CLOCK: variants seen among roughly 807,000 people sequenced by gnomAD.
CLOCK encodes clock circadian regulator.
Under a neutral mutation model 118.4 loss-of-function variants are expected in CLOCK, and 43 were observed. The observed-to-expected ratio is 0.36, with a 90% CI of 0.28 to 0.47. The LOEUF (loss-of-function observed/expected upper bound fraction) is 0.47. Among genes scored for constraint, CLOCK ranks in the 20% least tolerant of loss-of-function variants. The pLI is 1.00. For missense variants in CLOCK, 846 were observed against 999.9 expected (o/e 0.85, Z 2.08); for synonymous variants, 326 against 339.2 (o/e 0.96, Z 0.43).
At chr4:55,536,271 C>T (rs993230956) in intron 1 of CLOCK, among the ~76,000 whole-genome samples, 3 of 152,164 alleles carry the variant, frequency 2.0e-5, no homozygotes, top group African/African-American at 7.2e-5. Flanking sequence ...GGATAGCAAA[C>T]TATTAAAATA....
chr4:55,516,006 T>C (rs1430799914), intron 1 of CLOCK, among the ~76,000 whole-genome samples: 2 of 152,220 alleles, frequency 1.3e-5, no homozygotes, highest in Admixed American at 6.5e-5. Flanking sequence ...CTTCAAGTAT[T>C]TGGGGATTTT....
chr4:55,474,465 G>A (rs1018112687), intron 7 of CLOCK, among the ~76,000 whole-genome samples: 4 of 152,140 alleles, frequency 2.6e-5, no homozygotes, highest in Non-Finnish European at 4.4e-5. Context: ...GGGAGACCTG[G>A]GTAAGATCAT....
intron 11 of CLOCK, among the ~76,000 whole-genome samples, chr4:55,458,344 G>A (rs1725061501): frequency 1.3e-5 from 2 of 152,140 alleles, no homozygotes; most frequent in African/African-American, 4.8e-5. Context: ...TTACAGGCAT[G>A]AGTCACCTCG....
chr4:55,501,436 G>GTGTACTATAATC (rs1226715332), intron 2 of CLOCK, among the ~76,000 whole-genome samples: 1 of 150,750 alleles, frequency 6.6e-6, no homozygotes. Flanking sequence ...TTTTTTTTAA[G>GTGTACTATAATC]AGACAGGATC....
chr4:55,491,600 T>A (rs1727698305), intron 2 of CLOCK, among the ~76,000 whole-genome samples: 1 of 152,094 alleles, frequency 6.6e-6, no homozygotes, highest in African/African-American at 2.4e-5. Context: ...CCTAGAAATA[T>A]GCCATCTACC....
chr4:55,488,534 C>A lies in CLOCK; in HGVS notation c.-44+840G>T, dbSNP rs576983565. Among the ~76,000 whole-genome samples, 8 of 152,344 alleles carry A rather than the reference C, an allele frequency of 5.3e-5. No homozygotes were observed. The South Asian group carries it at 1.7e-3, about 32-fold the overall frequency. ...CTCCATATATTCTCCCCATCATTTACTGTATTCCAGTCACATTATGCTCTT... is the reference window on the plus strand; with the variant it reads ...CTCCATATATTCTCCCCATCATTTAATGTATTCCAGTCACATTATGCTCTT... On this transcript the variant is annotated intron_variant, in intron 3 of 22. Coordinates refer to ENST00000513440, the MANE Select transcript of CLOCK (RefSeq NM_004898.4).
intron 2 of CLOCK, among the ~76,000 whole-genome samples, chr4:55,498,593 TATCTA>T (rs1728234281): frequency 1.5e-5 from 2 of 129,262 alleles, no homozygotes; most frequent in South Asian, 5.7e-4. Flanking sequence ...AAAATTGATC[TATCTA>T]GTTCCTTATT....
At chr4:55,448,001 T>C (rs1357491850) in intron 18 of CLOCK, among the ~76,000 whole-genome samples, 2 of 152,182 alleles carry the variant, frequency 1.3e-5, no homozygotes, top group African/African-American at 4.8e-5. Flanking sequence ...CTCCCCCTTT[T>C]TTTTGGCTAC....
chr4:55,512,879 G>A (rs942149902), intron 1 of CLOCK, among the ~76,000 whole-genome samples: 1 of 152,090 alleles, frequency 6.6e-6, no homozygotes, highest in Non-Finnish European at 1.5e-5. Context: ...ATCATGAATT[G>A]CATTAACAAT....
intron 1 of CLOCK, among the ~76,000 whole-genome samples, chr4:55,513,974 T>A (rs1166229520): frequency 6.6e-6 from 1 of 152,188 alleles, no homozygotes; most frequent in African/African-American, 2.4e-5. Flanking sequence ...TAACCTTGTA[T>A]CCTGCTACCT....
intron 1 of CLOCK, among the ~76,000 whole-genome samples, chr4:55,539,107 T>C (rs937543045): frequency 6.6e-6 from 1 of 152,006 alleles, no homozygotes; most frequent in Non-Finnish European, 1.5e-5. Flanking sequence ...TGGTAGCACA[T>C]GCCTGTAATC....
At chr4:55,494,372 A>C (rs1727915300) in intron 2 of CLOCK, among the ~76,000 whole-genome samples, 1 of 152,234 alleles carries the variant, frequency 6.6e-6, no homozygotes, top group Non-Finnish European at 1.5e-5. Flanking sequence ...AGGACACTGC[A>C]GATGTGATTA....
At chr4:55,493,237 A>G (rs1247253001) in intron 2 of CLOCK, among the ~76,000 whole-genome samples, 1 of 152,198 alleles carries the variant, frequency 6.6e-6, no homozygotes, top group Non-Finnish European at 1.5e-5. Context: ...CATCTAGTTA[A>G]TAATTTTAAA....
intron 15 of CLOCK, among the ~76,000 whole-genome samples, chr4:55,450,454 ATC>A (rs1724332868): frequency 6.6e-6 from 1 of 152,208 alleles, no homozygotes; most frequent in Admixed American, 6.5e-5. Flanking sequence ...TGAAGTTGGA[ATC>A]TCTTACACCA....
chr4:55,515,444 G>A (rs916474773), intron 1 of CLOCK, among the ~76,000 whole-genome samples: 18 of 152,002 alleles, frequency 1.2e-4, no homozygotes, highest in African/African-American at 3.6e-4. Context: ...GCACAATCTC[G>A]GCTCACTGCA....
chr4:55,469,496 T>C (rs1174418422), intron 8 of CLOCK, among the ~76,000 whole-genome samples: 1 of 152,212 alleles, frequency 6.6e-6, no homozygotes, highest in Non-Finnish European at 1.5e-5. Context: ...ACTCCATGCC[T>C]ATTGTTTCTC....
chr4:55,455,808 T>C (rs1724878281), intron 13 of CLOCK, 89 bp downstream of exon 13: 1 of 940,034 alleles, frequency 1.1e-6, no homozygotes, highest in African/African-American at 1.6e-5. Context: ...AAAATGATTA[T>C]AAATCTGTGT....
chr4:55,456,839 C>T (rs1317539124), intron 11 of CLOCK, among the ~76,000 whole-genome samples: 4 of 151,896 alleles, frequency 2.6e-5, no homozygotes, highest in African/African-American at 7.3e-5. Context: ...CCACCACGCC[C>T]GGCTAATTTT....
In CLOCK at chr4:55,433,631, C is replaced by T. The variant is rs963362674; in HGVS notation, c.*1784G>A. The stretch of plus-strand genomic sequence containing the variant: ...GATTTATTACACTTGTCCTCTCCTC[C>T]CTTTCCTCAGTAATAACATTTTTTA... On this transcript the variant is annotated 3_prime_UTR_variant, in exon 23 of 23. Coordinates refer to ENST00000513440, the MANE Select transcript of CLOCK (RefSeq NM_004898.4). 17 of 152,172 alleles carry T rather than the reference C, an allele frequency of 1.1e-4. No individual in the cohort carries two copies. The highest frequency in any genetic ancestry group is 2.2e-4 in the Non-Finnish European group (15 of 68,026). 9.4% of individuals were successfully genotyped at this position (152,172 alleles called of 1,614,324 possible).
Sources: allele counts gnomAD v4.1 joint callset (sites outside exome capture counted in the v4.1 genomes callset), GRCh38; gene constraint gnomAD v4.1.1; transcripts MANE v1.5; gene names NCBI Gene and HGNC (gene_info 2026-07-23, HGNC 2026-07-21).